CDK20: variants seen among roughly 807,000 people sequenced by gnomAD.
CDK20 encodes the protein cyclin-dependent kinase 20.
A neutral mutation model predicts 38.6 loss-of-function variants in CDK20; 40 were observed. The observed-to-expected ratio is 1.04, with a 90% CI of 0.81 to 1.35. The LOEUF (loss-of-function observed/expected upper bound fraction) is 1.35, where lower values mean the gene tolerates loss of function less well. Among genes scored for constraint, CDK20 ranks in the 40% most tolerant of loss-of-function variants. The pLI is 0.00. For missense variants in CDK20, 512 were observed against 452.6 expected, an observed-to-expected ratio of 1.13 and a Z score of -1.19; for synonymous variants, 209 against 185.7, an observed-to-expected ratio of 1.13 and a Z score of -1.02.
Position 87,971,148 on chromosome 9 carries a change from C to G in CDK20, c.377G>C (p.Arg126Pro). The G allele has an allele frequency of 6.2e-7, 1 of 1,613,400 alleles. No homozygotes were observed. Among genetic ancestry groups the G allele is most frequent in the Non-Finnish European group, 8.5e-7 (1 of 1,179,518 alleles). ...TGCCCGGCCTATGCTGAGACTGACC[C>G]GATGTACAATGTTGTTGGCATGGCA... ...AFCHANNIVH[R>P]DLKPANLLIS... Residue 126 changes from arginine to proline, a missense_variant and splice_region_variant, in exon 3 of 8, where the codon CGG becomes CCG. By Grantham distance (103) the Arg-to-Pro change is moderately radical. Transcript: ENST00000325303.
intron 6 of CDK20, 61 bp from the exon 7 acceptor site, chr9:87,969,410 C>G: frequency 1.3e-6 from 2 of 1,556,302 alleles, no homozygotes; most frequent in East Asian, 2.3e-5. Flanking sequence ...GCCATGCTCT[C>G]TGCTGTCAAC....
At chr9:87,973,425 G>A (rs1021450744) in intron 2 of CDK20, among the ~76,000 whole-genome samples, 1 of 51,644 alleles carries the variant, frequency 1.9e-5, no homozygotes, top group African/African-American at 4.4e-5. Context: ...CCCAAGGGAA[G>A]AATGGACTCT....
chr9:87,968,961 C>T (rs548530397), intron 7 of CDK20: 154 of 543,396 alleles, frequency 2.8e-4, no homozygotes, highest in African/African-American at 2.3e-3. Context: ...GCATGCCCCT[C>T]GTATGGGCCA....
At position 87,973,915 on chromosome 9, in the gene CDK20, T is replaced by A; in HGVS notation, c.189+7A>T. 1.9e-6 allele frequency: 3 copies of A among 1,613,110 alleles called. No homozygotes were observed. Among genetic ancestry groups the A allele is most frequent in the Admixed American group, 1.7e-5 (1 of 59,978 alleles). ...TGAGAATACCATGCCCCCCCTCCCC[T>A]ACTCACATACTGATTGTCCTCCATC... On this transcript the variant is annotated splice_region_variant and intron_variant, in intron 2 of 7. Coordinates refer to ENST00000325303, the MANE Select transcript of CDK20 (RefSeq NM_001039803.3).
intron 7 of CDK20, chr9:87,967,942 A>G: frequency 3.4e-6 from 1 of 296,520 alleles, no homozygotes. Flanking sequence ...TGGAAGAGAG[A>G]AAGCAAGACA....
chr9:87,974,270 AC>A (rs1830074824), intron 1 of CDK20, 101 bp downstream of exon 1: 1 of 1,325,192 alleles, frequency 7.5e-7, no homozygotes, highest in African/African-American at 1.5e-5. Flanking sequence ...GGTTTTAAAA[AC>A]TGTACTGGAT....
In CDK20 at chr9:87,969,282, T is replaced by A. The variant is rs748821346; in HGVS notation, c.755A>T (p.Glu252Val). ...CTGGGGAGAGACGTCAGGCAGCACC[T>A]CCTCCAGGGGCATGGGCACCTGCTC... ...FKEQVPMPLE[E>V]VLPDVSPQAL... Residue 252 changes from glutamate (E) to valine (V), a missense_variant, in exon 7 of 8, where the codon GAG becomes GTG. Coordinates refer to ENST00000325303, the MANE Select transcript of CDK20 (RefSeq NM_001039803.3). 3.7e-6 allele frequency: 6 copies of A among 1,613,780 alleles called. No individual in the cohort carries two copies. Among genetic ancestry groups the A allele is most frequent in the Admixed American group, 1.7e-5 (1 of 59,980 alleles).
chr9:87,966,647 A>T lies in CDK20; in HGVS notation c.*815T>A, dbSNP rs1829456603. The T allele has an allele frequency of 6.0e-6, 1 of 167,636 alleles. No individual in the cohort carries two copies. The highest frequency in any genetic ancestry group is 1.3e-5 in the Non-Finnish European group (1 of 76,110). 10.4% of individuals were successfully genotyped at this position (167,636 alleles called of 1,614,324 possible). On this transcript the variant is annotated 3_prime_UTR_variant, in exon 8 of 8. Transcript: ENST00000325303. ...TGGGATTTATTAAATTTATAAATTA[A>T]TTCCAGGAACGCTTGTTTCCTTAAA...
chr9:87,970,042 G>T (rs764903935), intron 5 of CDK20, 123 bp from the exon 6 acceptor site: 1 of 1,147,418 alleles, frequency 8.7e-7, no homozygotes, highest in Non-Finnish European at 1.2e-6. Flanking sequence ...GGAGCCTCAC[G>T]TCCAGAGGCC....
rs1414999543 is a variant in CDK20, at chr9:87,966,562, T to A, written c.*900A>T. ...GCATCTGGTTCCACTTCCTTCCATG[T>A]ATCTTTTATAATCACCTTATCAAAT... On this transcript the variant is annotated 3_prime_UTR_variant, in exon 8 of 8. Coordinates refer to ENST00000325303, the MANE Select transcript of CDK20 (RefSeq NM_001039803.3). 1 of 159,290 alleles carries A rather than the reference T, an allele frequency of 6.3e-6. No homozygotes were observed. The highest frequency in any genetic ancestry group is 2.4e-5 in the African/African-American group (1 of 41,502). 9.9% of individuals were successfully genotyped at this position (159,290 alleles called of 1,614,324 possible). A position where few individuals can be genotyped will look rare whatever the true frequency, so the allele number is the denominator to read the frequency against.
intron 6 of CDK20, 22 bp downstream of exon 6, chr9:87,969,774 C>T (rs755969178): frequency 6.2e-7 from 1 of 1,613,464 alleles, no homozygotes; most frequent in Non-Finnish European, 8.5e-7. Flanking sequence ...CCACACCCAC[C>T]TCACCAAGGG....
chr9:87,971,048 T>A (rs1829814000), intron 3 of CDK20, 99 bp downstream of exon 3: 1 of 1,507,916 alleles, frequency 6.6e-7, no homozygotes, highest in Admixed American at 1.9e-5. Flanking sequence ...CTTGACCAGC[T>A]CTGTCCCAAC....
chr9:87,973,755 AAAG>A (rs1273597439), intron 2 of CDK20, among the ~76,000 whole-genome samples, 164 bp downstream of exon 2: 1 of 152,196 alleles, frequency 6.6e-6, no homozygotes, highest in Non-Finnish European at 1.5e-5. Context: ...AGTGGACAAA[AAAG>A]GGCAAAAGGG....
intron 2 of CDK20, among the ~76,000 whole-genome samples, chr9:87,973,298 C>T (rs1829992530): frequency 3.3e-5 from 5 of 152,150 alleles, no homozygotes; most frequent in Admixed American, 3.3e-4. Context: ...ACGAACCACA[C>T]TAGGTGGGCC....
chr9:87,974,072 C>G (rs753833398), intron 1 of CDK20, 37 bp from the exon 2 acceptor site: 3 of 1,613,118 alleles, frequency 1.9e-6, no homozygotes, highest in African/African-American at 2.7e-5. Context: ...AGCCCACCCT[C>G]GGCTGGGAAA....
In CDK20 at chr9:87,967,598, A is replaced by G. The variant is rs1246540845; in HGVS notation, c.905T>C (p.Ile302Thr). 3.9e-6 allele frequency: 6 copies of G among 1,527,036 alleles called. No homozygotes were observed. Among genetic ancestry groups the G allele is most frequent in the Non-Finnish European group, 5.3e-6 (6 of 1,132,858 alleles). 94.6% of individuals were successfully genotyped at this position (1,527,036 alleles called of 1,614,324 possible). ...PLPAHPSELP[I>T]PQRLGGPAPK... ...GGCAGGTCCCCCTAGACGCTGAGGAATCGGCAGCTCAGATGGATGGGCAGG... is the reference window on the plus strand; with the variant it reads ...GGCAGGTCCCCCTAGACGCTGAGGAGTCGGCAGCTCAGATGGATGGGCAGG... Residue 302 changes from isoleucine to threonine, a missense_variant, in exon 8 of 8, where the codon ATT (isoleucine) becomes ACT (threonine). Coordinates refer to ENST00000325303, the MANE Select transcript of CDK20 (RefSeq NM_001039803.3).
chr9:87,971,467 A>T (rs1025786248), intron 2 of CDK20, 132 bp from the exon 3 acceptor site: 7 of 761,042 alleles, frequency 9.2e-6, no homozygotes, highest in Non-Finnish European at 1.5e-5. Flanking sequence ...GGTGACGTGG[A>T]CCTGAGCTAA....
Position 87,970,825 on chromosome 9 carries a change from C to T in CDK20, c.451G>A (p.Val151Ile). ...LKIADFGLAR[V>I]FSPDGSRLYT... ...AGGCGGCTGCCGTCTGGGGAAAAGA[C>T]TCGAGCCAGGCCAAAGTCCGCTATC... is the stretch of plus-strand genomic sequence containing the variant. The change falls in exon 4 of 8, where the codon GTC becomes ATC. Residue 151 changes from valine to isoleucine, a missense_variant. Physicochemically the swap from Val to Ile is conservative, Grantham distance 29. Coordinates refer to ENST00000325303, the MANE Select transcript of CDK20 (RefSeq NM_001039803.3). 1 of 1,614,080 alleles carries T rather than the reference C, an allele frequency of 6.2e-7. No individual in the cohort carries two copies. Among genetic ancestry groups the T allele is most frequent in the Non-Finnish European group, 8.5e-7 (1 of 1,180,018 alleles).
At position 87,967,603 on chromosome 9, in the gene CDK20, C is replaced by T; in HGVS notation, c.900G>A (p.Leu300=). 1 of 1,522,292 alleles carries T rather than the reference C, an allele frequency of 6.6e-7. No individual in the cohort carries two copies. Among genetic ancestry groups the T allele is most frequent in the Non-Finnish European group, 8.8e-7 (1 of 1,130,382 alleles). The allele number at this position is 1,522,292 out of a possible 1,614,324, so 94.3% of individuals were successfully genotyped here. Residue 300 remains leucine, a synonymous_variant, in exon 8 of 8, where the codon CTG becomes CTA. Transcript: ENST00000325303. Reference sequence around the variant, plus strand: ...GTCCCCCTAGACGCTGAGGAATCGGCAGCTCAGATGGATGGGCAGGCAGGG... The same window carrying T: ...GTCCCCCTAGACGCTGAGGAATCGGTAGCTCAGATGGATGGGCAGGCAGGG... The part of the protein sequence containing the change: ...TAPLPAHPSE[L]PIPQRLGGPA...
Sources: allele counts gnomAD v4.1 joint callset (sites outside exome capture counted in the v4.1 genomes callset), GRCh38; gene constraint gnomAD v4.1.1; transcripts MANE v1.5; gene names NCBI Gene and HGNC (gene_info 2026-07-23, HGNC 2026-07-21).